Variants in EYA2 observed in about 807,000 individuals in gnomAD.
The protein encoded by EYA2 is protein phosphatase EYA2.
Under a neutral mutation model 69.2 loss-of-function variants are expected in EYA2, and 31 were observed. The observed-to-expected ratio is 0.45, with a 90% CI of 0.34 to 0.60. EYA2 has a LOEUF of 0.60. EYA2 is among the 20% of genes least tolerant of loss of function. EYA2 has a pLI of 0.02. For synonymous variants in EYA2, 257 were observed against 279.4 expected, an observed-to-expected ratio of 0.92 and a Z score of 0.80; for missense variants, 622 against 701.2, an observed-to-expected ratio of 0.89 and a Z score of 1.28.
In EYA2 at chr20:47,039,690, G is replaced by A. The variant is rs981452833; in HGVS notation, c.415+23393G>A. Reference sequence around the variant, plus strand: ...TTCTATTCCTGAGGCGGGGCATCTTGTAGTGATAAAAGACACAGATTGTGG... The same window carrying A: ...TTCTATTCCTGAGGCGGGGCATCTTATAGTGATAAAAGACACAGATTGTGG... On this transcript the variant is annotated intron_variant, in intron 5 of 15. Coordinates refer to ENST00000327619, the MANE Select transcript of EYA2 (RefSeq NM_005244.5). Among the ~76,000 whole-genome samples the A allele has an allele frequency of 1.8e-4, 28 of 152,226 alleles. 1 individual carries two copies. The highest frequency in any genetic ancestry group is 6.7e-4 in the African/African-American group (28 of 41,534).
chr20:46,938,615 C>G (rs1343269706), intron 1 of EYA2, among the ~76,000 whole-genome samples: 3 of 152,152 alleles, frequency 2.0e-5, no homozygotes, highest in Non-Finnish European at 4.4e-5. Flanking sequence ...GCTCATGACA[C>G]ATTGGCTGAC....
At chr20:47,165,524 T>C (rs1420412561) in intron 10 of EYA2, among the ~76,000 whole-genome samples, 7 of 152,152 alleles carry the variant, frequency 4.6e-5, no homozygotes, top group Admixed American at 4.6e-4. Context: ...CTGGGGGTAC[T>C]TCCCTGCTGC....
chr20:47,117,446 T>G (rs1330304668), intron 9 of EYA2: 3 of 985,304 alleles, frequency 3.0e-6, no homozygotes, highest in Middle Eastern at 5.2e-4. Flanking sequence ...TGACCTGATC[T>G]CCACAGCTCC....
chr20:47,177,420 G>A (rs934510624), intron 12 of EYA2, among the ~76,000 whole-genome samples: 6 of 152,130 alleles, frequency 3.9e-5, no homozygotes, highest in African/African-American at 1.4e-4. Context: ...CCAAAATCAG[G>A]ATTCTTATTA....
At chr20:47,044,025 C>T (rs1430330614) in intron 5 of EYA2, among the ~76,000 whole-genome samples, 2 of 152,132 alleles carry the variant, frequency 1.3e-5, no homozygotes, top group East Asian at 3.9e-4. Flanking sequence ...TTTTTGGAGA[C>T]AGGGCACTAG....
intron 7 of EYA2, among the ~76,000 whole-genome samples, chr20:47,074,639 C>A (rs1185482825): frequency 6.6e-6 from 1 of 152,150 alleles, no homozygotes; most frequent in Non-Finnish European, 1.5e-5. Context: ...TTTCTGGCTT[C>A]TTTTGAAAGA....
chr20:47,099,232 C>A (rs956763653), intron 9 of EYA2, among the ~76,000 whole-genome samples: 4 of 152,256 alleles, frequency 2.6e-5, no homozygotes, highest in Non-Finnish European at 1.5e-5. Context: ...TGTCTCCTTG[C>A]ACTTCTGGCC....
chr20:46,941,819 T>C (rs2146263544), intron 1 of EYA2, among the ~76,000 whole-genome samples: 1 of 152,094 alleles, frequency 6.6e-6, no homozygotes, highest in East Asian at 1.9e-4. Context: ...AGTGCAGTGG[T>C]GCCATTATAG....
At chr20:46,993,340 A>G (rs1416590273) in intron 2 of EYA2, among the ~76,000 whole-genome samples, 2 of 152,056 alleles carry the variant, frequency 1.3e-5, no homozygotes, top group Non-Finnish European at 2.9e-5. Flanking sequence ...CTCCGTCCCT[A>G]TTGCCTTTGC....
intron 12 of EYA2, among the ~76,000 whole-genome samples, chr20:47,175,887 A>G (rs1324701083): frequency 1.3e-5 from 2 of 152,206 alleles, no homozygotes; most frequent in Admixed American, 1.3e-4. Flanking sequence ...TTGATAGACT[A>G]ATGAGAAGAT....
intron 5 of EYA2, among the ~76,000 whole-genome samples, chr20:47,044,748 C>T (rs2029946397): frequency 6.6e-6 from 1 of 152,194 alleles, no homozygotes; most frequent in Non-Finnish European, 1.5e-5. Context: ...ACTGATATTT[C>T]TCCCATTTTG....
At chr20:47,172,031 A>G (rs980806952) in intron 11 of EYA2, among the ~76,000 whole-genome samples, 3 of 152,220 alleles carry the variant, frequency 2.0e-5, no homozygotes, top group Admixed American at 1.3e-4. Flanking sequence ...CCTGGGAGGC[A>G]GAGGTTGCAG....
At chr20:47,101,763 A>G (rs1054264933) in intron 9 of EYA2, among the ~76,000 whole-genome samples, 14 of 152,218 alleles carry the variant, frequency 9.2e-5, no homozygotes, top group African/African-American at 2.4e-4. Context: ...CTTGGATGTC[A>G]GAGAAGTAAT....
At chr20:47,097,593 G>A (rs899060057) in intron 9 of EYA2, among the ~76,000 whole-genome samples, 2 of 152,170 alleles carry the variant, frequency 1.3e-5, no homozygotes, top group Admixed American at 6.5e-5. Flanking sequence ...TTTGAGACAA[G>A]GGGGAGGCAT....
intron 5 of EYA2, among the ~76,000 whole-genome samples, chr20:47,029,779 A>C (rs1477542110): frequency 6.6e-6 from 1 of 152,244 alleles, no homozygotes. Context: ...ACATAATTGA[A>C]CATCGTTAAA....
In EYA2 at chr20:47,016,657, A is replaced by G. The variant is rs566331615; in HGVS notation, c.415+360A>G. ...GCTCTTTGAAGAGATGACATTGGGC[A>G]GAATCCCAAAGGGTGAGGCAGAGCA... is the stretch of plus-strand genomic sequence containing the variant. On this transcript the variant is annotated intron_variant, in intron 5 of 15. Coordinates refer to ENST00000327619, the MANE Select transcript of EYA2 (RefSeq NM_005244.5). Among the ~76,000 whole-genome samples the G allele has an allele frequency of 3.9e-5, 6 of 152,378 alleles. No homozygotes were observed. The South Asian group carries it at 1.2e-3, about 32-fold the overall frequency.
chr20:47,188,319 G>A lies in EYA2; in HGVS notation c.*186G>A. 1.6e-6 allele frequency: 1 copy of A among 621,432 alleles called. No individual in the cohort carries two copies. Among genetic ancestry groups the A allele is most frequent in the Non-Finnish European group, 2.9e-6 (1 of 349,020 alleles). The allele number at this position is 621,432 out of a possible 1,614,324, so 38.5% of individuals were successfully genotyped here. On this transcript the variant is annotated 3_prime_UTR_variant, in exon 16 of 16. Transcript: ENST00000327619. Reference sequence around the variant, plus strand: ...CCAAATGGGGGTTCTGAGAAGGAAAGTACCCAACATTGGCTTCGGAGTATT... The same window carrying A: ...CCAAATGGGGGTTCTGAGAAGGAAAATACCCAACATTGGCTTCGGAGTATT...
intron 11 of EYA2, among the ~76,000 whole-genome samples, chr20:47,170,972 G>A (rs2034307704): frequency 2.0e-5 from 3 of 152,230 alleles, no homozygotes; most frequent in Admixed American, 2.0e-4. Flanking sequence ...TCAGCCGGCA[G>A]ATGCCTGCTT....
chr20:46,930,478 C>T (rs901632616), intron 1 of EYA2, among the ~76,000 whole-genome samples: 5 of 151,968 alleles, frequency 3.3e-5, no homozygotes, highest in African/African-American at 7.3e-5. Flanking sequence ...TGCATATACA[C>T]GAAGCTCAGT....
Sources: allele counts gnomAD v4.1 joint callset (sites outside exome capture counted in the v4.1 genomes callset), GRCh38; gene constraint gnomAD v4.1.1; transcripts MANE v1.5; gene names NCBI Gene and HGNC (gene_info 2026-07-23, HGNC 2026-07-21).